Variants in PFKFB3 observed in about 807,000 individuals in gnomAD.
PFKFB3 encodes 6-phosphofructo-2-kinase/fructose-2,6-bisphosphatase 3.
A neutral mutation model predicts 68.0 loss-of-function variants in PFKFB3; 33 were observed. The ratio of observed to expected loss-of-function variants is 0.49; its 90% CI spans 0.37 to 0.65. PFKFB3 has a LOEUF of 0.65. PFKFB3 is among the 30% of genes least tolerant of loss of function. PFKFB3 has a pLI of 0.00. For missense variants in PFKFB3, 586 were observed against 712.2 expected (o/e 0.82, Z 2.02); for synonymous variants, 315 against 288.2 (o/e 1.09, Z -0.94).
the PFKFB3 span, among the ~76,000 whole-genome samples, chr10:6,291,332 A>G: frequency 5.9e-5 from 9 of 152,158 alleles, no homozygotes; most frequent in Non-Finnish European, 1.3e-4. Flanking sequence ...TTGGGAGGCC[A>G]AGGTGGGCGG....
the PFKFB3 span, among the ~76,000 whole-genome samples, chr10:6,318,887 G>T: frequency 1.3e-5 from 2 of 152,196 alleles, no homozygotes; most frequent in Non-Finnish European, 2.9e-5. Context: ...GGCCAAGTCA[G>T]AATTTCCAGG....
the PFKFB3 span, among the ~76,000 whole-genome samples, chr10:6,273,902 G>A: frequency 6.6e-6 from 1 of 152,122 alleles, no homozygotes; most frequent in Non-Finnish European, 1.5e-5. Flanking sequence ...TCCAGAATCA[G>A]GAGAAAATAA....
At chr10:6,231,843 T>C (rs1026186887) in intron 14 of PFKFB3, among the ~76,000 whole-genome samples, 3 of 149,090 alleles carry the variant, frequency 2.0e-5, no homozygotes, top group South Asian at 2.2e-4. Context: ...CACCTCCCGG[T>C]GGGCACCCAT....
the PFKFB3 span, among the ~76,000 whole-genome samples, chr10:6,281,840 A>G: frequency 1.3e-5 from 2 of 152,132 alleles, no homozygotes; most frequent in East Asian, 3.9e-4. Flanking sequence ...TGCAGCAAAG[A>G]TCGATTGAAT....
rs575317528 is a variant in PFKFB3, at chr10:6,151,334, TCCGGAAGGTGC to T, written c.16+6322_16+6332del. On this transcript the variant is annotated intron_variant, in intron 1 of 14. Transcript: ENST00000379789. ...CGCAAGCAGCCTTTCCAGCTGTAGC[TCCGGAAGGTGC>T]TCTGACATGACAGTTCAAAAACACA... is the stretch of plus-strand genomic sequence containing the variant. Among the ~76,000 whole-genome samples the T allele has an allele frequency of 4.7e-3, 710 of 151,416 alleles. 5 individuals carry two copies. The highest frequency in any genetic ancestry group is 0.015 in the African/African-American group (636 of 41,274).
the PFKFB3 span, among the ~76,000 whole-genome samples, chr10:6,318,200 C>A: frequency 6.6e-6 from 1 of 152,114 alleles, no homozygotes; most frequent in South Asian, 2.1e-4. Context: ...GTGGGGAGGA[C>A]CCCTTGCCCA....
At chr10:6,308,546 A>G in the PFKFB3 span, among the ~76,000 whole-genome samples, 1,378 of 152,240 alleles carry the variant, frequency 9.1e-3, 13 homozygotes, top group African/African-American at 0.032. Context: ...AGGGAAGAAA[A>G]CAGCTTGAAT....
the PFKFB3 span, among the ~76,000 whole-genome samples, chr10:6,313,136 T>G: frequency 6.6e-6 from 1 of 152,214 alleles, no homozygotes; most frequent in African/African-American, 2.4e-5. The surrounding 1 kb of genome is among the most constrained non-coding windows in gnomAD (Gnocchi z 4.2). Context: ...TTATTGCTTG[T>G]TTGAAAACAA....
intron 1 of PFKFB3, among the ~76,000 whole-genome samples, chr10:6,188,861 G>A (rs1235128348): frequency 7.5e-6 from 1 of 133,732 alleles, no homozygotes; most frequent in African/African-American, 2.8e-5. Context: ...TTTAGACGGA[G>A]TCTCGCTCTG....
intron 14 of PFKFB3, chr10:6,231,196 C>CT: frequency 8.8e-7 from 1 of 1,132,214 alleles, no homozygotes; most frequent in Non-Finnish European, 1.3e-6. Context: ...GAAAATCCTA[C>CT]TAAAGATTTT....
At chr10:6,193,273 C>T (rs1256495401) in intron 1 of PFKFB3, among the ~76,000 whole-genome samples, 1 of 152,160 alleles carries the variant, frequency 6.6e-6, no homozygotes. Flanking sequence ...ACAGTTTGAG[C>T]CCAGAAACTC....
At chr10:6,297,876 C>T in the PFKFB3 span, among the ~76,000 whole-genome samples, 61 of 152,286 alleles carry the variant, frequency 4.0e-4, 1 homozygote, top group African/African-American at 1.2e-3. Context: ...CCTTGGCTTA[C>T]AGGTGTTCCT....
the PFKFB3 span, among the ~76,000 whole-genome samples, chr10:6,287,674 G>C: frequency 6.6e-6 from 1 of 152,080 alleles, no homozygotes; most frequent in Admixed American, 6.6e-5. Context: ...ACACCTGACT[G>C]TACTTTATAG....
At chr10:6,212,562 G>A (rs759290863) in intron 1 of PFKFB3, among the ~76,000 whole-genome samples, 1 of 152,180 alleles carries the variant, frequency 6.6e-6, no homozygotes, top group Admixed American at 6.5e-5. Flanking sequence ...CAGACAGGGC[G>A]TGAGAGGCTC....
chr10:6,146,098 C>T (rs1231270778), intron 1 of PFKFB3: 4 of 405,230 alleles, frequency 9.9e-6, no homozygotes, highest in Admixed American at 1.3e-4. Context: ...GACTCCCCCA[C>T]TGCGACCTGG....
intron 1 of PFKFB3, among the ~76,000 whole-genome samples, chr10:6,167,155 C>G (rs1564593461): frequency 1.3e-5 from 2 of 152,228 alleles, no homozygotes; most frequent in South Asian, 2.1e-4. Context: ...TGACACTCCT[C>G]CCCTCCACCC....
chr10:6,171,066 T>C (rs1842295195), intron 1 of PFKFB3, among the ~76,000 whole-genome samples: 1 of 152,086 alleles, frequency 6.6e-6, no homozygotes, highest in African/African-American at 2.4e-5. Context: ...AGTTTCGCTC[T>C]TGTTGCCCAG....
At chr10:6,160,221 C>T (rs1019204376) in intron 1 of PFKFB3, among the ~76,000 whole-genome samples, 5 of 152,092 alleles carry the variant, frequency 3.3e-5, no homozygotes, top group African/African-American at 1.2e-4. Flanking sequence ...AAATACATGT[C>T]ACTTAATGTC....
chr10:6,295,555 G>A, the PFKFB3 span, among the ~76,000 whole-genome samples: 10 of 151,088 alleles, frequency 6.6e-5, no homozygotes, highest in Admixed American at 5.3e-4. Context: ...CTGAAATCCC[G>A]TTATTATACA....
Sources: allele counts gnomAD v4.1 joint callset (sites outside exome capture counted in the v4.1 genomes callset), GRCh38; gene constraint gnomAD v4.1.1; non-coding constraint Gnocchi (gnomAD v3.1); transcripts MANE v1.5; gene names NCBI Gene and HGNC (gene_info 2026-07-23, HGNC 2026-07-21).